ITGA1: variants seen among roughly 807,000 people sequenced by gnomAD.
ITGA1 encodes the protein integrin alpha-1.
Under a neutral mutation model 145.9 loss-of-function variants are expected in ITGA1, and 85 were observed. The ratio of observed to expected loss-of-function variants is 0.58; its 90% CI spans 0.49 to 0.70. The LOEUF (loss-of-function observed/expected upper bound fraction) is 0.70, where lower values mean the gene tolerates loss of function less well. Among genes scored for constraint, ITGA1 ranks in the 30% least tolerant of loss-of-function variants. The pLI is 0.00. For synonymous variants in ITGA1, 520 were observed against 495.3 expected (o/e 1.05, Z -0.66); for missense variants, 1,351 against 1,418.7 (o/e 0.95, Z 0.77).
chr5:52,880,635 G>A (rs1749942385), intron 6 of ITGA1, among the ~76,000 whole-genome samples: 1 of 152,154 alleles, frequency 6.6e-6, no homozygotes, highest in South Asian at 2.1e-4. Context: ...TAAGAAATAG[G>A]ATTTGCTCTA....
At chr5:52,876,216 T>A (rs1438377659) in intron 6 of ITGA1, among the ~76,000 whole-genome samples, 2 of 152,218 alleles carry the variant, frequency 1.3e-5, no homozygotes, top group Non-Finnish European at 2.9e-5. Context: ...ATGCTTGTTT[T>A]ATTAGCCTTA....
chr5:52,820,936 T>A (rs1484574284), intron 1 of ITGA1, among the ~76,000 whole-genome samples: 1 of 152,166 alleles, frequency 6.6e-6, no homozygotes, highest in African/African-American at 2.4e-5. Flanking sequence ...GAAACTCTCA[T>A]CTATTTAGTC....
chr5:52,803,822 A>G (rs1456287738), intron 1 of ITGA1: 2 of 152,176 alleles, frequency 1.3e-5, no homozygotes, highest in African/African-American at 2.4e-5. Flanking sequence ...ACATCTCTAG[A>G]TGATTCCTGT....
chr5:52,875,192 C>T (rs1407190058), intron 6 of ITGA1, among the ~76,000 whole-genome samples: 1 of 151,842 alleles, frequency 6.6e-6, no homozygotes, highest in Non-Finnish European at 1.5e-5. Flanking sequence ...ATATATTTAA[C>T]TTTATTTTAC....
At chr5:52,794,284 TG>T (rs1294605822) in intron 1 of ITGA1, among the ~76,000 whole-genome samples, 1 of 139,466 alleles carries the variant, frequency 7.2e-6, no homozygotes, top group Non-Finnish European at 1.6e-5. Context: ...ATAGTTAAGA[TG>T]GTTTATATAT....
At chr5:52,952,209 A>G (rs1013638973) in intron 28 of ITGA1, among the ~76,000 whole-genome samples, 198 bp from the exon 29 acceptor site, 5 of 151,594 alleles carry the variant, frequency 3.3e-5, no homozygotes, top group Non-Finnish European at 5.9e-5. Context: ...GAAAAGAAAA[A>G]AAAAGAAACA....
Position 52,949,710 on chromosome 5 carries a change from G to T in ITGA1, c.3495+2249G>T, listed in dbSNP as rs1240955855. ...ATACTGTCTTTGGTTTTGGAATGAG[G>T]GTCCCTGGTTGGATTCAGACTTTCG... On this transcript the variant is annotated intron_variant, in intron 28 of 28. Coordinates refer to ENST00000282588, the MANE Select transcript of ITGA1 (RefSeq NM_181501.2). Among the ~76,000 whole-genome samples the T allele has an allele frequency of 2.0e-5, 3 of 152,042 alleles. No homozygotes were observed. In the South Asian group the frequency reaches 6.2e-4, roughly 32 times the overall value.
Position 52,939,897 on chromosome 5 carries a change from A to G in ITGA1, c.3238A>G (p.Ser1080Gly). Residue 1080 changes from serine to glycine, a missense_variant, in exon 26 of 29, where the codon AGC becomes GGC. Physicochemically the swap from Ser to Gly is moderately conservative, Grantham distance 56. Coordinates refer to ENST00000282588, the MANE Select transcript of ITGA1 (RefSeq NM_181501.2). Reference protein sequence around the residue: ...ITCNLTSSDISQVNVSLILWK... With the variant: ...ITCNLTSSDIGQVNVSLILWK... Reference sequence around the variant, plus strand: ...ATGTAATCTCACTTCTTCTGACATCAGCCAAGTCAATGTTTCGCTTATCTT... The same window carrying G: ...ATGTAATCTCACTTCTTCTGACATCGGCCAAGTCAATGTTTCGCTTATCTT... 6.2e-7 allele frequency: 1 copy of G among 1,613,676 alleles called. No individual in the cohort carries two copies. Among genetic ancestry groups the G allele is most frequent in the Non-Finnish European group, 8.5e-7 (1 of 1,179,586 alleles).
At chr5:52,918,704 T>G (rs759356433) in intron 15 of ITGA1, 28 bp from the exon 16 acceptor site, 115 of 1,587,006 alleles carry the variant, frequency 7.2e-5, no homozygotes, top group South Asian at 2.7e-4. Context: ...TAAAAATGTG[T>G]GAGTAATCCC....
In ITGA1 at chr5:52,958,781, T is replaced by C. The variant is rs1751338293; in HGVS notation, c.*6330T>C. 1 of 152,224 alleles carries C rather than the reference T, an allele frequency of 6.6e-6. No individual in the cohort carries two copies. The highest frequency in any genetic ancestry group is 1.5e-5 in the Non-Finnish European group (1 of 68,028). The allele number at this position is 152,224 out of a possible 1,614,324, so 9.4% of individuals were successfully genotyped here. A position where few individuals can be genotyped will look rare whatever the true frequency, so the allele number is the denominator to read the frequency against. On this transcript the variant is annotated 3_prime_UTR_variant, in exon 29 of 29. Coordinates refer to ENST00000282588, the MANE Select transcript of ITGA1 (RefSeq NM_181501.2). ...CTCCAATGAACTGTTCTGCCTGATCTAACATAAAGTTATATTTCATTGCTC... is the reference window on the plus strand; with the variant it reads ...CTCCAATGAACTGTTCTGCCTGATCCAACATAAAGTTATATTTCATTGCTC...
chr5:52,796,804 G>C (rs756854184), intron 1 of ITGA1, among the ~76,000 whole-genome samples: 9 of 152,016 alleles, frequency 5.9e-5, no homozygotes, highest in Admixed American at 1.3e-4. Context: ...ATGGATTCAA[G>C]TTTACATGGT....
chr5:52,856,866 C>G (rs538472835), intron 2 of ITGA1, among the ~76,000 whole-genome samples: 1 of 152,252 alleles, frequency 6.6e-6, no homozygotes, highest in East Asian at 1.9e-4. Flanking sequence ...ATTGCCTGGG[C>G]TCATCATCTG....
intron 1 of ITGA1, among the ~76,000 whole-genome samples, chr5:52,797,377 T>C (rs140690211): frequency 1.3e-5 from 2 of 152,034 alleles, no homozygotes; most frequent in East Asian, 1.9e-4. Flanking sequence ...AGGTTTCTAA[T>C]GTACAGATAA....
At chr5:52,866,658 G>C (rs1191436082) in intron 6 of ITGA1, among the ~76,000 whole-genome samples, 2 of 152,096 alleles carry the variant, frequency 1.3e-5, no homozygotes. Context: ...AAATCAAATA[G>C]TTGTTTGTTT....
intron 1 of ITGA1, among the ~76,000 whole-genome samples, chr5:52,815,990 G>GT (rs1748762092): frequency 6.6e-6 from 1 of 152,172 alleles, no homozygotes; most frequent in African/African-American, 2.4e-5. Flanking sequence ...GGAGACAGTA[G>GT]TAAGTAGTGG....
chr5:52,897,804 G>A (rs761763029), intron 10 of ITGA1, among the ~76,000 whole-genome samples: 17 of 151,530 alleles, frequency 1.1e-4, no homozygotes, highest in Admixed American at 5.3e-4. Flanking sequence ...CTGTCTAAAT[G>A]AAATAATTTA....
chr5:52,818,995 C>CTA (rs1054288039), intron 1 of ITGA1, among the ~76,000 whole-genome samples: 2 of 152,128 alleles, frequency 1.3e-5, no homozygotes, highest in Non-Finnish European at 2.9e-5. Flanking sequence ...CCCTCCTGTA[C>CTA]TATGCCCTTG....
At chr5:52,873,898 AATTT>A (rs1229478073) in intron 6 of ITGA1, among the ~76,000 whole-genome samples, 2 of 152,122 alleles carry the variant, frequency 1.3e-5, no homozygotes, top group Non-Finnish European at 2.9e-5. Flanking sequence ...TGGGCATTAA[AATTT>A]GGGTGCTGGT....
intron 1 of ITGA1, chr5:52,802,219 T>C (rs1748503680): frequency 6.1e-6 from 1 of 165,256 alleles, no homozygotes; most frequent in Admixed American, 5.9e-5. Flanking sequence ...AAGCTTTTGC[T>C]ATCTTATCCT....
Sources: gnomAD v4.1 joint callset for allele counts (sites outside exome capture counted in the v4.1 genomes callset) on GRCh38, gnomAD v4.1.1 for gene constraint, MANE v1.5 for transcripts, NCBI Gene and HGNC (gene_info 2026-07-23, HGNC 2026-07-21) for gene names.